Variants in CNTNAP2 observed in about 807,000 individuals in gnomAD.
CNTNAP2 encodes contactin associated protein 2.
CNTNAP2 carries 98 observed loss-of-function variants against 155.2 expected under a neutral mutation model. The ratio of observed to expected loss-of-function variants is 0.63; its 90% CI spans 0.54 to 0.75. CNTNAP2 has a LOEUF of 0.75. Ranked by LOEUF, CNTNAP2 falls within the 30% of genes least tolerant of loss-of-function variation. CNTNAP2 has a pLI of 0.00. For missense variants in CNTNAP2, 1,727 were observed against 1,688.1 expected (o/e 1.02, Z -0.40); for synonymous variants, 651 against 631.2 (o/e 1.03, Z -0.47).
chr7:146,376,488 G>A (rs1044638247), intron 1 of CNTNAP2, among the ~76,000 whole-genome samples: 1 of 151,988 alleles, frequency 6.6e-6, no homozygotes. Flanking sequence ...AGGGTTTTCA[G>A]TTTCCCTCAT....
At chr7:148,263,597 C>T (rs768890868) in intron 20 of CNTNAP2, among the ~76,000 whole-genome samples, 48 of 151,940 alleles carry the variant, frequency 3.2e-4, no homozygotes, top group Middle Eastern at 3.4e-3. Context: ...ATTAGCCGGG[C>T]GTGGTGGCGG....
At chr7:147,979,467 C>A (rs1801485649) in intron 15 of CNTNAP2, among the ~76,000 whole-genome samples, 1 of 152,190 alleles carries the variant, frequency 6.6e-6, no homozygotes, top group Non-Finnish European at 1.5e-5. Flanking sequence ...AATAATTACT[C>A]ATTAGCATAT....
intron 13 of CNTNAP2, among the ~76,000 whole-genome samples, chr7:147,837,462 C>T (rs1485707635): frequency 6.6e-6 from 1 of 152,092 alleles, no homozygotes; most frequent in African/African-American, 2.4e-5. Flanking sequence ...CAAACCATAT[C>T]ATTCTGCCCC....
chr7:148,229,631 T>C lies in CNTNAP2; in HGVS notation c.3248-15T>C. 1 of 1,614,078 alleles carries C rather than the reference T, an allele frequency of 6.2e-7. No homozygotes were observed. Among genetic ancestry groups the C allele is most frequent in the Non-Finnish European group, 8.5e-7 (1 of 1,179,986 alleles). On this transcript the variant is annotated splice_polypyrimidine_tract_variant and intron_variant, in intron 19 of 23. Coordinates refer to ENST00000361727, the MANE Select transcript of CNTNAP2 (RefSeq NM_014141.6). Reference sequence around the variant, plus strand: ...AGGGCAAACAAATTACTGAGCTTTCTTTTTTCTTCTATAGGAAGCTTACAG... The same window carrying C: ...AGGGCAAACAAATTACTGAGCTTTCCTTTTTCTTCTATAGGAAGCTTACAG...
At chr7:146,141,208 T>C (rs1171435721) in intron 1 of CNTNAP2, among the ~76,000 whole-genome samples, 2 of 152,222 alleles carry the variant, frequency 1.3e-5, no homozygotes, top group African/African-American at 4.8e-5. Context: ...CACCTGTGTG[T>C]CAGCCTACAT....
intron 10 of CNTNAP2, among the ~76,000 whole-genome samples, chr7:147,484,330 G>C (rs1273736307): frequency 5.9e-5 from 9 of 151,960 alleles, no homozygotes; most frequent in African/African-American, 1.7e-4. Context: ...TTCTCTTGTA[G>C]TCCTGTCCAT....
At chr7:148,080,886 C>G (rs1368538412) in intron 15 of CNTNAP2, among the ~76,000 whole-genome samples, 1 of 152,114 alleles carries the variant, frequency 6.6e-6, no homozygotes, top group East Asian at 1.9e-4. Flanking sequence ...TTGTCCTCAT[C>G]ATACAGCTAT....
intron 15 of CNTNAP2, among the ~76,000 whole-genome samples, chr7:148,016,364 C>A (rs1802177105): frequency 6.6e-6 from 1 of 152,176 alleles, no homozygotes; most frequent in African/African-American, 2.4e-5. Flanking sequence ...TATGGCCTTC[C>A]CACATGTGCC....
chr7:148,361,452 A>G lies in CNTNAP2; in HGVS notation c.3476-22197A>G, dbSNP rs562722184. 1.8e-4 allele frequency among the ~76,000 whole-genome samples: 27 copies of G among 152,246 alleles called. 1 individual carries two copies. Among genetic ancestry groups the G allele is most frequent in the Admixed American group, 1.6e-3 (24 of 15,298 alleles). ...TTCCGGAGCCCAGAGCTCTGAAATC[A>G]GGGTGTCAGTAGGGGTGGGTCCTCT... is the stretch of plus-strand genomic sequence containing the variant. On this transcript the variant is annotated intron_variant, in intron 21 of 23. Coordinates refer to ENST00000361727, the MANE Select transcript of CNTNAP2 (RefSeq NM_014141.6).
intron 22 of CNTNAP2, among the ~76,000 whole-genome samples, chr7:148,407,703 T>TTAAA (rs752589763): frequency 1.1e-5 from 1 of 93,126 alleles, no homozygotes; most frequent in African/African-American, 3.7e-5. Flanking sequence ...GACCAAATCT[T>TTAAA]AAAAAAAAAA....
chr7:146,689,274 A>G (rs1296937247), intron 1 of CNTNAP2, among the ~76,000 whole-genome samples: 1 of 152,088 alleles, frequency 6.6e-6, no homozygotes, highest in Non-Finnish European at 1.5e-5. Flanking sequence ...TTTGAAAGCC[A>G]AATTAAGATA....
At chr7:146,219,681 C>A (rs1270296287) in intron 1 of CNTNAP2, among the ~76,000 whole-genome samples, 1 of 152,148 alleles carries the variant, frequency 6.6e-6, no homozygotes, top group Non-Finnish European at 1.5e-5. Context: ...TGGAGCAATA[C>A]CTTTGCATGA....
At chr7:146,563,355 T>C (rs1351796138) in intron 1 of CNTNAP2, among the ~76,000 whole-genome samples, 1 of 152,152 alleles carries the variant, frequency 6.6e-6, no homozygotes, top group African/African-American at 2.4e-5. Flanking sequence ...TCCAAACCAT[T>C]ACACTATTGA....
intron 1 of CNTNAP2, among the ~76,000 whole-genome samples, chr7:146,164,615 T>A (rs984789606): frequency 1.2e-4 from 18 of 152,338 alleles, no homozygotes; most frequent in South Asian, 4.1e-4. Context: ...CTCAGTTTCC[T>A]TCTCATTTGG....
intron 3 of CNTNAP2, among the ~76,000 whole-genome samples, chr7:146,891,179 G>A (rs867370617): frequency 6.6e-6 from 1 of 152,088 alleles, no homozygotes; most frequent in African/African-American, 2.4e-5. Context: ...TCATTTATAC[G>A]TGAGAGCTAA....
chr7:146,685,294 C>T (rs951463412), intron 1 of CNTNAP2, among the ~76,000 whole-genome samples: 1 of 152,090 alleles, frequency 6.6e-6, no homozygotes, highest in African/African-American at 2.4e-5. Context: ...ACAATACATG[C>T]AACTTGAAAC....
chr7:147,206,952 A>ATTAATTTATTATTTT (rs1803035372), intron 8 of CNTNAP2, among the ~76,000 whole-genome samples: 1 of 152,210 alleles, frequency 6.6e-6, no homozygotes, highest in African/African-American at 2.4e-5. Flanking sequence ...GACGGAAATT[A>ATTAATTTATTATTTT]CTGCTCATTT....
chr7:147,638,234 C>G (rs1584872379), intron 12 of CNTNAP2, among the ~76,000 whole-genome samples: 2 of 152,082 alleles, frequency 1.3e-5, no homozygotes, highest in South Asian at 2.1e-4. Flanking sequence ...CCTGGCTCAT[C>G]TTTCATCTTG....
chr7:146,622,086 C>A (rs1174454794), intron 1 of CNTNAP2, among the ~76,000 whole-genome samples: 4 of 151,524 alleles, frequency 2.6e-5, no homozygotes, highest in Non-Finnish European at 5.9e-5. Flanking sequence ...AAAAGCATTT[C>A]TTTATTTTCT....
Sources: gnomAD v4.1 joint callset for allele counts (sites outside exome capture counted in the v4.1 genomes callset) on GRCh38, gnomAD v4.1.1 for gene constraint, MANE v1.5 for transcripts, NCBI Gene and HGNC (gene_info 2026-07-23, HGNC 2026-07-21) for gene names.